CKMT2: variants seen among roughly 807,000 people sequenced by gnomAD.
The protein encoded by CKMT2 is creatine kinase S-type, mitochondrial.
Under a neutral mutation model 48.9 loss-of-function variants are expected in CKMT2, and 43 were observed. The ratio of observed to expected loss-of-function variants is 0.88; its 90% CI spans 0.69 to 1.13. CKMT2 has a LOEUF of 1.13. CKMT2 is among the 50% of genes most tolerant of loss of function. The pLI is 0.00. For synonymous variants in CKMT2, 206 were observed against 213.0 expected, an observed-to-expected ratio of 0.97 and a Z score of 0.29; for missense variants, 472 against 555.4, an observed-to-expected ratio of 0.85 and a Z score of 1.51.
At chr5:81,266,024 G>A (rs1179618262) in intron 9 of CKMT2, 115 bp from the exon 10 acceptor site, 1 of 838,008 alleles carries the variant, frequency 1.2e-6, no homozygotes, top group African/African-American at 1.7e-5. Flanking sequence ...GGAAGGAATT[G>A]TTGTGAAGTC....
intron 3 of CKMT2, among the ~76,000 whole-genome samples, chr5:81,253,257 T>C (rs1756884600): frequency 6.6e-6 from 1 of 152,170 alleles, no homozygotes. Flanking sequence ...GGCTGAGCTT[T>C]ATTGGGTGGG....
At chr5:81,257,085 G>C in intron 6 of CKMT2, 85 bp downstream of exon 6, 3 of 1,079,730 alleles carry the variant, frequency 2.8e-6, no homozygotes, top group Non-Finnish European at 4.2e-6. Flanking sequence ...GAGTTGCTGT[G>C]TACTGCAGTT....
chr5:81,254,550 A>C, intron 4 of CKMT2, 59 bp downstream of exon 4: 5 of 1,454,932 alleles, frequency 3.4e-6, no homozygotes, highest in Non-Finnish European at 3.9e-6. Flanking sequence ...CCCAAGGGGA[A>C]GGCCCCTGGA....
chr5:81,251,085 T>C (rs1756795937), intron 1 of CKMT2, 28 bp from the exon 2 acceptor site: 1 of 1,597,796 alleles, frequency 6.3e-7, no homozygotes, highest in Non-Finnish European at 8.6e-7. Flanking sequence ...CCTATGAAGC[T>C]ATCTAATCCA....
chr5:81,251,245 G>A lies in CKMT2; in HGVS notation c.113G>A (p.Cys38Tyr). Reference sequence around the variant, plus strand: ...TACCTGCTGAACCGGCAGAAAGTGTGTGCCGAGGTCCGGGAGCAGCCTAGG... The same window carrying A: ...TACCTGCTGAACCGGCAGAAAGTGTATGCCGAGGTCCGGGAGCAGCCTAGG... Reference protein sequence around the residue: ...TGYLLNRQKVCAEVREQPRLF... With the variant: ...TGYLLNRQKVYAEVREQPRLF... Residue 38 changes from cysteine to tyrosine, a missense_variant, in exon 2 of 10, where the codon TGT becomes TAT. Coordinates refer to ENST00000254035, the MANE Select transcript of CKMT2 (RefSeq NM_001099735.2). 6.2e-7 allele frequency: 1 copy of A among 1,614,176 alleles called. No individual in the cohort carries two copies. The highest frequency in any genetic ancestry group is 8.5e-7 in the Non-Finnish European group (1 of 1,180,036).
At chr5:81,245,974 C>G (rs139987508) in intron 1 of CKMT2, among the ~76,000 whole-genome samples, 1 of 152,202 alleles carries the variant, frequency 6.6e-6, no homozygotes, top group African/African-American at 2.4e-5. Context: ...ACCATTAGCA[C>G]GACCTGTCAG....
chr5:81,266,366 G>C lies in CKMT2; in HGVS notation c.*108G>C. On this transcript the variant is annotated 3_prime_UTR_variant, in exon 10 of 10. Coordinates refer to ENST00000254035, the MANE Select transcript of CKMT2 (RefSeq NM_001099735.2). ...GGAAAAATATAAAATTGTAGATCCT[G>C]CCTATCTTTACAATAAAACTCTCCT... The C allele has an allele frequency of 9.4e-7, 1 of 1,066,292 alleles. No individual in the cohort carries two copies. Among genetic ancestry groups the C allele is most frequent in the African/African-American group, 1.6e-5 (1 of 62,960 alleles). 66.1% of individuals were successfully genotyped at this position (1,066,292 alleles called of 1,614,324 possible).
chr5:81,253,485 C>T (rs1277597053), intron 3 of CKMT2, among the ~76,000 whole-genome samples: 1 of 152,186 alleles, frequency 6.6e-6, no homozygotes, highest in East Asian at 1.9e-4. Flanking sequence ...AGCCACTATG[C>T]GTCCCCTCCA....
At chr5:81,263,981 T>C (rs1757315003) in intron 9 of CKMT2, among the ~76,000 whole-genome samples, 1 of 152,216 alleles carries the variant, frequency 6.6e-6, no homozygotes, top group Admixed American at 6.5e-5. Context: ...CCTCTGAGGG[T>C]GGCAAAATAG....
chr5:81,252,862 G>A lies in CKMT2; in HGVS notation c.320G>A (p.Gly107Asp). 6.2e-7 allele frequency: 1 copy of A among 1,614,236 alleles called. No homozygotes were observed. The highest frequency in any genetic ancestry group is 8.5e-7 in the Non-Finnish European group (1 of 1,180,040). The change falls in exon 3 of 10, where the codon GGC becomes GAC. Residue 107 changes from glycine (G) to aspartate (D), a missense_variant. Transcript: ENST00000254035. ...NPGHPFIKTV[G>D]MVAGDEESYE... is the part of the protein sequence containing the mutation. ...GGCCACCCCTTCATAAAGACTGTGGGCATGGTGGCTGGTGACGAGGAGTCC... is the reference window on the plus strand; with the variant it reads ...GGCCACCCCTTCATAAAGACTGTGGACATGGTGGCTGGTGACGAGGAGTCC...
At chr5:81,254,837 A>G (rs1295895006) in intron 4 of CKMT2, 156 bp from the exon 5 acceptor site, 2 of 674,772 alleles carry the variant, frequency 3.0e-6, no homozygotes, top group Non-Finnish European at 2.6e-6. Context: ...CCGTGCCCCA[A>G]GACTTCCGGA....
chr5:81,252,653 T>G (rs1166291592), intron 2 of CKMT2, 42 bp from the exon 3 acceptor site: 1 of 1,606,738 alleles, frequency 6.2e-7, no homozygotes, highest in Non-Finnish European at 8.5e-7. Context: ...GCCCCTTTCC[T>G]CGGGGGCTGC....
intron 7 of CKMT2, 191 bp downstream of exon 7, chr5:81,258,047 C>G: frequency 2.2e-6 from 1 of 449,170 alleles, no homozygotes; most frequent in Non-Finnish European, 4.0e-6. Context: ...TTACAGGTGC[C>G]ACCACCACAC....
intron 4 of CKMT2, 62 bp from the exon 5 acceptor site, chr5:81,254,931 T>G: frequency 7.2e-7 from 1 of 1,389,188 alleles, no homozygotes; most frequent in Non-Finnish European, 1.0e-6. Flanking sequence ...TAGAACCCAC[T>G]GTGGCTGTGG....
intron 8 of CKMT2, 104 bp downstream of exon 8, chr5:81,259,358 C>CTCTA (rs1359679173): frequency 7.9e-6 from 8 of 1,014,308 alleles, no homozygotes; most frequent in East Asian, 5.9e-5. Context: ...CCCTTACTTT[C>CTCTA]TCTATCTACA....
Position 81,266,288 on chromosome 5 carries a change from T to G in CKMT2, c.*30T>G. On this transcript the variant is annotated 3_prime_UTR_variant, in exon 10 of 10. Transcript: ENST00000254035. ...TCCCTTTCCCAATTTATAAATAATC[T>G]GTCTGCTGGTACGACAGACATAAAT... 1 of 1,608,986 alleles carries G rather than the reference T, an allele frequency of 6.2e-7. No individual in the cohort carries two copies.
intron 4 of CKMT2, 89 bp downstream of exon 4, chr5:81,254,580 A>G: frequency 9.0e-7 from 1 of 1,112,668 alleles, no homozygotes; most frequent in Admixed American, 1.8e-5. Flanking sequence ...TCCCCGCTGT[A>G]AGTCAGATAC....
chr5:81,233,345 G>A lies in CKMT2; in HGVS notation c.-53G>A. 1.0e-6 allele frequency: 1 copy of A among 985,698 alleles called. No homozygotes were observed. The highest frequency in any genetic ancestry group is 1.7e-5 in the African/African-American group (1 of 57,376). 61.1% of individuals were successfully genotyped at this position (985,698 alleles called of 1,614,324 possible). On this transcript the variant is annotated 5_prime_UTR_variant, in exon 1 of 10. Transcript: ENST00000254035. ...CTGCATACACTTCTTGGCTGTGTGC[G>A]CTCAGCAGGACGTGGGAGGCTCCGG...
At chr5:81,243,507 A>G (rs941263249) in intron 1 of CKMT2, among the ~76,000 whole-genome samples, 1 of 152,220 alleles carries the variant, frequency 6.6e-6, no homozygotes, top group African/African-American at 2.4e-5. Context: ...TATACAGTAT[A>G]TAATATTAGA....
Sources: gnomAD v4.1 joint callset for allele counts (sites outside exome capture counted in the v4.1 genomes callset) on GRCh38, gnomAD v4.1.1 for gene constraint, MANE v1.5 for transcripts, NCBI Gene and HGNC (gene_info 2026-07-23, HGNC 2026-07-21) for gene names.